The following SMARCA2 variants were observed in gnomAD, a reference collection of about 807,000 sequenced individuals.
SMARCA2 encodes the protein SWI/SNF-related matrix-associated actin-dependent regulator of chromatin subfamily A member 2.
Under a neutral mutation model 199.8 loss-of-function variants are expected in SMARCA2, and 61 were observed. The ratio of observed to expected loss-of-function variants is 0.31; its 90% CI spans 0.25 to 0.38. SMARCA2 has a LOEUF of 0.38. SMARCA2 is among the 10% of genes least tolerant of loss of function. The probability of loss-of-function intolerance (pLI) is 1.00; values close to 1 mark genes in which losing one functional copy is unlikely to be tolerated. For synonymous variants in SMARCA2, 935 were observed against 732.0 expected (o/e 1.28, Z -4.48); for missense variants, 1,344 against 2,012.2 (o/e 0.67, Z 6.35).
At position 2,039,290 on chromosome 9, in the gene SMARCA2, A is replaced by G. The variant is rs1819472437; in HGVS notation, c.356-176A>G. 6.6e-6 allele frequency among the ~76,000 whole-genome samples: 1 copy of G among 151,722 alleles called. No individual in the cohort carries two copies. The highest frequency in any genetic ancestry group is 2.4e-5 in the African/African-American group (1 of 41,224). On this transcript the variant is annotated intron_variant, in intron 3 of 33. Transcript: ENST00000349721. The surrounding 1 kb of genome is among the most constrained non-coding windows in gnomAD (Gnocchi z 4.8). ...CCAGAAAATTTTAAATTTTACATAT[A>G]TATAAAGCACATATTGATATGTAAA...
chr9:2,041,105 C>T (rs1201824033), intron 4 of SMARCA2: 1 of 350,840 alleles, frequency 2.9e-6, no homozygotes, highest in African/African-American at 2.1e-5. Flanking sequence ...GGCCTTATAC[C>T]ATGGGAGAGA....
At position 2,101,422 on chromosome 9, in the gene SMARCA2, G is replaced by T. The variant is rs570795792; in HGVS notation, c.3079-148G>T. ...TCTGCATGCAATATACTGAATTTCT[G>T]GTTCATTACGTGTGTAAGTTTTTTG... On this transcript the variant is annotated intron_variant, in intron 21 of 33. Transcript: ENST00000349721. 287 of 478,546 alleles carry T rather than the reference G, an allele frequency of 6.0e-4. 4 individuals are homozygous for T. The South Asian group carries it at 0.01, about 17-fold the overall frequency. The allele number at this position is 478,546 out of a possible 1,614,324, so 29.6% of individuals were successfully genotyped here. A position where few individuals can be genotyped will look rare whatever the true frequency, so the allele number is the denominator to read the frequency against.
chr9:2,160,212 T>C (rs79748674), intron 27 of SMARCA2: 1 of 90,434 alleles, frequency 1.1e-5, no homozygotes, highest in East Asian at 2.6e-4. Context: ...AATGTGAAGC[T>C]TTTTTTTTTT....
intron 19 of SMARCA2, among the ~76,000 whole-genome samples, chr9:2,095,087 A>C (rs916038696): frequency 3.3e-5 from 5 of 150,196 alleles, no homozygotes; most frequent in African/African-American, 1.2e-4. Context: ...AAAAAATTAG[A>C]ATTTTTTTTT....
rs1242678034 is a variant in SMARCA2, at chr9:2,072,966, G to A, written c.1747-246G>A. ...TTCTAGCTCTTAACTCACAACCTTGGTGATGTATCTGGTTGCTGGAGCTGA... is the reference window on the plus strand; with the variant it reads ...TTCTAGCTCTTAACTCACAACCTTGATGATGTATCTGGTTGCTGGAGCTGA... On this transcript the variant is annotated intron_variant, in intron 10 of 33. Coordinates refer to ENST00000349721, the MANE Select transcript of SMARCA2 (RefSeq NM_003070.5). 11 of 460,680 alleles carry A rather than the reference G, an allele frequency of 2.4e-5. No individual in the cohort carries two copies. In the Admixed American group the frequency reaches 3.1e-4, roughly 13 times the overall value. The allele number at this position is 460,680 out of a possible 1,614,324, so 28.5% of individuals were successfully genotyped here.
chr9:2,025,710 T>C (rs1818799725), intron 1 of SMARCA2, among the ~76,000 whole-genome samples: 1 of 152,236 alleles, frequency 6.6e-6, no homozygotes, highest in African/African-American at 2.4e-5. Context: ...GATGTGCTGC[T>C]TGAGACTAGC....
intron 14 of SMARCA2, among the ~76,000 whole-genome samples, chr9:2,078,472 C>CA (rs55839415): frequency 0.018 from 2,449 of 136,758 alleles, 28 homozygotes; most frequent in Non-Finnish European, 0.027. Context: ...ACTCCATCTA[C>CA]AAAAAAAAAA....
intron 2 of SMARCA2, among the ~76,000 whole-genome samples, chr9:2,030,367 T>G (rs376285236): frequency 1.3e-5 from 2 of 151,984 alleles, no homozygotes; most frequent in South Asian, 2.1e-4. Context: ...CCAGGAGAAC[T>G]GATGATGTGA....
At chr9:2,180,794 C>G (rs1277915554) in intron 29 of SMARCA2, among the ~76,000 whole-genome samples, 1 of 152,162 alleles carries the variant, frequency 6.6e-6, no homozygotes, top group Non-Finnish European at 1.5e-5. Context: ...TACAAAAATG[C>G]TAAGCATTTG....
intron 31 of SMARCA2, among the ~76,000 whole-genome samples, 161 bp from the exon 32 acceptor site, chr9:2,185,935 G>T (rs1827414204): frequency 6.6e-6 from 1 of 152,132 alleles, no homozygotes; most frequent in Admixed American, 6.5e-5. Flanking sequence ...TCTGTATTTG[G>T]GCTTGGCGTT....
At chr9:2,059,271 T>C (rs986754931) in intron 8 of SMARCA2, among the ~76,000 whole-genome samples, 2 of 152,194 alleles carry the variant, frequency 1.3e-5, no homozygotes, top group Non-Finnish European at 2.9e-5. Flanking sequence ...AGACCATAAT[T>C]ATGTTCCTGG....
At chr9:2,073,518 T>C in intron 11 of SMARCA2, 48 bp from the exon 12 acceptor site, 4 of 1,535,996 alleles carry the variant, frequency 2.6e-6, no homozygotes, top group Non-Finnish European at 3.6e-6. Context: ...TATTGTATTG[T>C]AATTTAAAAA....
chr9:2,190,223 T>C (rs548075813), intron 32 of SMARCA2, among the ~76,000 whole-genome samples: 1 of 152,214 alleles, frequency 6.6e-6, no homozygotes, highest in African/African-American at 2.4e-5. Context: ...GCAGTCTTTC[T>C]GAAGGCTAAT....
intron 32 of SMARCA2, among the ~76,000 whole-genome samples, chr9:2,187,693 T>C (rs1415472494): frequency 6.6e-6 from 1 of 152,002 alleles, no homozygotes; most frequent in Non-Finnish European, 1.5e-5. Context: ...AAATTTTAAA[T>C]ATAATTAATA....
At chr9:2,188,503 C>G (rs1288429325) in intron 32 of SMARCA2, among the ~76,000 whole-genome samples, 1 of 152,146 alleles carries the variant, frequency 6.6e-6, no homozygotes, top group Non-Finnish European at 1.5e-5. Context: ...TTTGTTCTAG[C>G]ATTTGAATAC....
chr9:2,046,271 G>C (rs896414552), intron 4 of SMARCA2, among the ~76,000 whole-genome samples: 40 of 152,162 alleles, frequency 2.6e-4, no homozygotes, highest in African/African-American at 9.4e-4. Flanking sequence ...AAAAATTTAA[G>C]TCTGTACCTA....
chr9:2,051,469 T>A (rs1252838958), intron 5 of SMARCA2, among the ~76,000 whole-genome samples: 1 of 152,144 alleles, frequency 6.6e-6, no homozygotes, highest in Non-Finnish European at 1.5e-5. Context: ...CCCCATCTCC[T>A]CATTTCCGCT....
At chr9:2,050,623 T>G (rs575122716) in intron 5 of SMARCA2, among the ~76,000 whole-genome samples, 2 of 148,366 alleles carry the variant, frequency 1.3e-5, no homozygotes, top group South Asian at 4.2e-4. Flanking sequence ...TGCTTACCTG[T>G]GATTTTTTTT....
At position 2,170,585 on chromosome 9, in the gene SMARCA2, G is replaced by C. The variant is rs1267111560; in HGVS notation, c.4253+113G>C. On this transcript the variant is annotated intron_variant, in intron 29 of 33. Transcript: ENST00000349721. This position sits in a 1 kb window ranked among gnomAD's most constrained non-coding sequence, Gnocchi z 4.7. Reference sequence around the variant, plus strand: ...AAGCAAATTTCTTCGGTCACCTCCTGATCACCCCTACTTGGAGAGCGGGAT... The same window carrying C: ...AAGCAAATTTCTTCGGTCACCTCCTCATCACCCCTACTTGGAGAGCGGGAT... 1 of 1,547,752 alleles carries C rather than the reference G, an allele frequency of 6.5e-7. No individual in the cohort carries two copies. The highest frequency in any genetic ancestry group is 8.8e-7 in the Non-Finnish European group (1 of 1,130,928).
Sources: allele counts gnomAD v4.1 joint callset (sites outside exome capture counted in the v4.1 genomes callset), GRCh38; gene constraint gnomAD v4.1.1; non-coding constraint Gnocchi (gnomAD v3.1); transcripts MANE v1.5; gene names NCBI Gene and HGNC (gene_info 2026-07-23, HGNC 2026-07-21).